The following VIPAS39 variants were observed in gnomAD, a reference collection of about 807,000 sequenced individuals.
The protein encoded by VIPAS39 is VPS33B interacting protein, apical-basolateral polarity regulator, spe-39 homolog.
Under a neutral mutation model 84.7 loss-of-function variants are expected in VIPAS39, and 63 were observed. The observed-to-expected ratio is 0.74, with a 90% CI of 0.61 to 0.92. VIPAS39 has a LOEUF of 0.92. VIPAS39 is among the 40% of genes least tolerant of loss of function. VIPAS39 has a pLI of 0.00. For synonymous variants in VIPAS39, 192 were observed against 216.5 expected, an observed-to-expected ratio of 0.89 and a Z score of 0.99; for missense variants, 499 against 604.5, an observed-to-expected ratio of 0.83 and a Z score of 1.83.
At chr14:77,452,426 C>G (rs1555368054) in intron 3 of VIPAS39, among the ~76,000 whole-genome samples, 2 of 150,344 alleles carry the variant, frequency 1.3e-5, no homozygotes, top group Non-Finnish European at 3.0e-5. Context: ...TTTTTTTAAT[C>G]TTTAGTCACA....
rs1232060106 is a variant in VIPAS39 at position 77,442,580 on chromosome 14, C to G, written c.714G>C (p.Lys238Asn). ...CTTACCTGAAGAGGTCTAAAAGCAA[C>G]TTTTGATCCCCTATTTCCTTAAGGA... ...IHFLKEIGDQ[K>N]LLLDLFRFLD... Residue 238 changes from lysine to asparagine, a missense_variant, in exon 10 of 20, where the codon AAG (lysine) becomes AAC (asparagine). Lys to Asn is a moderately conservative substitution (Grantham distance 94, BLOSUM62 0). Transcript: ENST00000557658. 6.2e-7 allele frequency: 1 copy of G among 1,614,186 alleles called. No individual in the cohort carries two copies. The highest frequency in any genetic ancestry group is 1.7e-5 in the Admixed American group (1 of 60,028).
chr14:77,444,171 T>C, intron 8 of VIPAS39, 78 bp downstream of exon 8: 9 of 1,380,356 alleles, frequency 6.5e-6, no homozygotes, highest in Non-Finnish European at 9.2e-6. Flanking sequence ...TAACACAAAA[T>C]GTTAGTCTAT....
intron 7 of VIPAS39, among the ~76,000 whole-genome samples, chr14:77,447,226 T>A (rs2078805485): frequency 6.6e-6 from 1 of 152,118 alleles, no homozygotes; most frequent in Non-Finnish European, 1.5e-5. Flanking sequence ...GGTTTCTCCA[T>A]GTTGGTCAGG....
At chr14:77,450,620 C>T (rs1392513419) in intron 4 of VIPAS39, among the ~76,000 whole-genome samples, 1 of 152,164 alleles carries the variant, frequency 6.6e-6, no homozygotes, top group African/African-American at 2.4e-5. Flanking sequence ...TAGCAATCTG[C>T]CTCCCTCAGC....
rs2078831596 is a variant in VIPAS39 at position 77,448,495 on chromosome 14, T to C, written c.503A>G (p.Lys168Arg). Residue 168 changes from lysine (K) to arginine (R), a missense_variant and splice_region_variant, in exon 7 of 20, where the codon AAG becomes AGG. Transcript: ENST00000557658. Reference sequence around the variant, plus strand: ...CTCACAAAAATTCTCTGTCCTTACCTTGCCCTTCCGGAGACGTCGCACTGT... The same window carrying C: ...CTCACAAAAATTCTCTGTCCTTACCCTGCCCTTCCGGAGACGTCGCACTGT... ...SDTVRRLRKG[K>R]VCSLERFRSL... 2 of 1,614,182 alleles carry C rather than the reference T, an allele frequency of 1.2e-6. No homozygotes were observed. Among genetic ancestry groups the C allele is most frequent in the Middle Eastern group, 1.6e-4 (1 of 6,062 alleles).
At chr14:77,430,795 T>C (rs2078510514) in intron 16 of VIPAS39, among the ~76,000 whole-genome samples, 2 of 151,036 alleles carry the variant, frequency 1.3e-5, no homozygotes, top group Admixed American at 1.3e-4. Context: ...ATTACAAAGT[T>C]ACATATATTA....
intron 7 of VIPAS39, among the ~76,000 whole-genome samples, chr14:77,444,726 C>G (rs2078759176): frequency 6.6e-6 from 1 of 151,962 alleles, no homozygotes; most frequent in Non-Finnish European, 1.5e-5. Context: ...GTGCCCGCCA[C>G]CATGCCCGGC....
At chr14:77,435,775 A>G in intron 13 of VIPAS39, 69 bp downstream of exon 13, 1 of 1,538,232 alleles carries the variant, frequency 6.5e-7, no homozygotes, top group Non-Finnish European at 9.0e-7. Context: ...GAGCATAGAA[A>G]TCTCCTAGAT....
rs2078493617 is a variant in VIPAS39, at chr14:77,429,905, T to C, written c.1180-138A>G. On this transcript the variant is annotated intron_variant, in intron 16 of 19. Coordinates refer to ENST00000557658, the MANE Select transcript of VIPAS39 (RefSeq NM_001193315.2). ...TGAGGGATACAGAAATAATGAGAAA[T>C]GAATTTTTCAGAAAAATCAAGGGAT... 3.7e-6 allele frequency: 3 copies of C among 800,868 alleles called. No individual in the cohort carries two copies. The South Asian group carries it at 4.1e-5, about 11-fold the overall frequency. The allele number at this position is 800,868 out of a possible 1,614,324, so 49.6% of individuals were successfully genotyped here.
chr14:77,448,602 CAGCATACCCG>C, intron 6 of VIPAS39, 52 bp from the exon 7 acceptor site: 1 of 1,581,712 alleles, frequency 6.3e-7, no homozygotes, highest in South Asian at 1.1e-5. Flanking sequence ...TCAAATTTAT[CAGCATACCCG>C]CTCCTCAACT....
At chr14:77,433,600 A>G (rs183101320) in intron 16 of VIPAS39, among the ~76,000 whole-genome samples, 1 of 152,378 alleles carries the variant, frequency 6.6e-6, no homozygotes, top group East Asian at 1.9e-4. Flanking sequence ...ATAGAAAAAG[A>G]GAAAGCATAC....
chr14:77,443,936 G>T (rs955033807), intron 8 of VIPAS39, among the ~76,000 whole-genome samples: 3 of 151,448 alleles, frequency 2.0e-5, no homozygotes. Context: ...AGCTACTCGG[G>T]GACCTGAGGT....
At chr14:77,456,251 T>C (rs1415066597) in intron 1 of VIPAS39, among the ~76,000 whole-genome samples, 1 of 152,204 alleles carries the variant, frequency 6.6e-6, no homozygotes, top group Admixed American at 6.5e-5. Flanking sequence ...GCTTAGTGCC[T>C]GACCCAAAAT....
intron 3 of VIPAS39, among the ~76,000 whole-genome samples, chr14:77,453,069 G>C (rs899801742): frequency 9.9e-5 from 15 of 152,148 alleles, no homozygotes; most frequent in Admixed American, 4.6e-4. Flanking sequence ...GAATGAAATA[G>C]CCAGCTAAGA....
At chr14:77,455,776 T>C (rs532426860) in intron 1 of VIPAS39, among the ~76,000 whole-genome samples, 1 of 152,348 alleles carries the variant, frequency 6.6e-6, no homozygotes, top group South Asian at 2.1e-4. Context: ...TCAGGGGATA[T>C]AGGGATAGCA....
chr14:77,433,871 T>G lies in VIPAS39; in HGVS notation c.1150A>C (p.Asn384His). The change falls in exon 16 of 20, where the codon AAT becomes CAT. Residue 384 changes from asparagine to histidine, a missense_variant. By Grantham distance (68) the Asn-to-His change is moderately conservative (BLOSUM62 1). Coordinates refer to ENST00000557658, the MANE Select transcript of VIPAS39 (RefSeq NM_001193315.2). ...GTGGTGAATAGGGCATCTACATCAT[T>G]CCAGGCTCGAAGCTTGGCACGAGCA... ...LAARAKLRAW[N>H]DVDALFTTKN... is the part of the protein sequence containing the mutation. 6.2e-7 allele frequency: 1 copy of G among 1,614,028 alleles called. No homozygotes were observed. The highest frequency in any genetic ancestry group is 1.1e-5 in the South Asian group (1 of 91,068).
At chr14:77,439,187 C>A (rs1047410462) in intron 11 of VIPAS39, among the ~76,000 whole-genome samples, 2 of 152,060 alleles carry the variant, frequency 1.3e-5, no homozygotes, top group East Asian at 3.8e-4. Context: ...AATCTATATA[C>A]AACAACATGC....
intron 15 of VIPAS39, 120 bp downstream of exon 15, chr14:77,434,142 T>C (rs2139765135): frequency 1.6e-6 from 2 of 1,262,778 alleles, no homozygotes; most frequent in East Asian, 2.3e-5. Context: ...CCCAAACTCA[T>C]TCCTTTCCAC....
intron 3 of VIPAS39, 129 bp downstream of exon 3, chr14:77,453,170 T>C (rs2078908732): frequency 2.0e-6 from 2 of 986,054 alleles, no homozygotes; most frequent in Admixed American, 1.7e-5. Context: ...TTTCCAGATG[T>C]ATGCTTATCT....
Sources: allele counts gnomAD v4.1 joint callset (sites outside exome capture counted in the v4.1 genomes callset), GRCh38; gene constraint gnomAD v4.1.1; transcripts MANE v1.5; gene names NCBI Gene and HGNC (gene_info 2026-07-23, HGNC 2026-07-21).